Variants in TXNDC17 observed in about 807,000 individuals in gnomAD.
The protein encoded by TXNDC17 is thioredoxin domain-containing protein 17.
In TXNDC17, 12 loss-of-function variants were observed where a neutral mutation model predicts 16.3. The ratio of observed to expected loss-of-function variants is 0.74; its 90% CI spans 0.47 to 1.19. TXNDC17 has a LOEUF of 1.19. Among genes scored for constraint, TXNDC17 ranks in the 50% most tolerant of loss-of-function variants. TXNDC17 has a pLI of 0.00. For synonymous variants in TXNDC17, 62 were observed against 55.0 expected (o/e 1.13, Z -0.56); for missense variants, 158 against 149.7 (o/e 1.06, Z -0.29).
intron 1 of TXNDC17, 89 bp downstream of exon 1, chr17:6,641,316 T>C (rs553826854): frequency 1.3e-6 from 2 of 1,559,992 alleles, no homozygotes; most frequent in African/African-American, 1.4e-5. Context: ...GGAGGCAGAG[T>C]CTTGGTTCCA....
Position 6,644,078 on chromosome 17 carries a change from A to G in TXNDC17, c.*1059A>G. ...AGAGTGGTAGAGTAGTTGATCTGAG[A>G]CAGTAAGGTTCCAGGAGATGGTCTT... On this transcript the variant is annotated 3_prime_UTR_variant, in exon 4 of 4. Transcript: ENST00000250101. 1 of 407,766 alleles carries G rather than the reference A, an allele frequency of 2.5e-6. No individual in the cohort carries two copies. Among genetic ancestry groups the G allele is most frequent in the Non-Finnish European group, 4.3e-6 (1 of 231,128 alleles). The allele number at this position is 407,766 out of a possible 1,614,324, so 25.3% of individuals were successfully genotyped here.
In TXNDC17 at chr17:6,643,961, C is replaced by A. The variant is rs1972729373; in HGVS notation, c.*942C>A. The A allele has an allele frequency of 2.5e-6, 1 of 397,034 alleles. No homozygotes were observed. The highest frequency in any genetic ancestry group is 4.4e-6 in the Non-Finnish European group (1 of 225,450). 24.6% of individuals were successfully genotyped at this position (397,034 alleles called of 1,614,324 possible). On this transcript the variant is annotated 3_prime_UTR_variant, in exon 4 of 4. Transcript: ENST00000250101. Reference sequence around the variant, plus strand: ...TGCAAAGCAGGTAATACAGTTATTTCCTGTCCTGCAGAATTCAAGAACCTT... The same window carrying A: ...TGCAAAGCAGGTAATACAGTTATTTACTGTCCTGCAGAATTCAAGAACCTT...
Position 6,644,021 on chromosome 17 carries a change from G to C in TXNDC17, c.*1002G>C, listed in dbSNP as rs549442180. ...CCTGTCCTATGATTTAAAGAGGTCAGTGACTCCGCTACTCTCACTACATCT... is the reference window on the plus strand; with the variant it reads ...CCTGTCCTATGATTTAAAGAGGTCACTGACTCCGCTACTCTCACTACATCT... On this transcript the variant is annotated 3_prime_UTR_variant, in exon 4 of 4. Transcript: ENST00000250101. 2 of 399,954 alleles carry C rather than the reference G, an allele frequency of 5.0e-6. No homozygotes were observed. The highest frequency in any genetic ancestry group is 8.8e-6 in the Non-Finnish European group (2 of 226,892). The allele number at this position is 399,954 out of a possible 1,614,324, so 24.8% of individuals were successfully genotyped here.
rs576970009 is a variant in TXNDC17, at chr17:6,641,361, C to T, written c.145+134C>T. ...GGAGCAATCTGAGCTGTCCCCAAGT[C>T]TCCTTCTATTAAATCCTACCCCGCC... On this transcript the variant is annotated intron_variant, in intron 1 of 3. Coordinates refer to ENST00000250101, the MANE Select transcript of TXNDC17 (RefSeq NM_032731.4). 2.2e-5 allele frequency: 29 copies of T among 1,310,244 alleles called. No homozygotes were observed. In the African/African-American group the frequency reaches 4.1e-4, roughly 19 times the overall value. The allele number at this position is 1,310,244 out of a possible 1,614,324, so 81.2% of individuals were successfully genotyped here. A position where few individuals can be genotyped will look rare whatever the true frequency, so the allele number is the denominator to read the frequency against.
chr17:6,642,927 G>A (rs1972713717), intron 3 of TXNDC17, 24 bp from the exon 4 acceptor site: 1 of 1,585,376 alleles, frequency 6.3e-7, no homozygotes, highest in Non-Finnish European at 8.7e-7. Context: ...AAGTAGTGAA[G>A]ATTTGACTGT....
rs539439277 is a variant in TXNDC17, at chr17:6,641,193, C to T, written c.111C>T (p.Ala37=). The stretch of plus-strand genomic sequence containing the variant: ...CCTACTTTACGGGTTCTAAGGACGC[C>T]GGGGGGAAAAGCTGGTGCCCCGACT... ...IFAYFTGSKD[A]GGKSWCPDCV... is the part of the protein sequence containing the mutation. The change falls in exon 1 of 4, where the codon GCC becomes GCT. Residue 37 remains alanine (A), a synonymous_variant. Coordinates refer to ENST00000250101, the MANE Select transcript of TXNDC17 (RefSeq NM_032731.4). 4.7e-5 allele frequency: 76 copies of T among 1,613,564 alleles called. No individual in the cohort carries two copies. The African/African-American group carries it at 9.5e-4, about 20-fold the overall frequency.
rs1298997808 is a variant in TXNDC17, at chr17:6,643,517, G to A, written c.*498G>A. 6.5e-6 allele frequency: 1 copy of A among 153,102 alleles called. No homozygotes were observed. The highest frequency in any genetic ancestry group is 2.4e-5 in the African/African-American group (1 of 41,462). The allele number at this position is 153,102 out of a possible 1,614,324, so 9.5% of individuals were successfully genotyped here. On this transcript the variant is annotated 3_prime_UTR_variant, in exon 4 of 4. Coordinates refer to ENST00000250101, the MANE Select transcript of TXNDC17 (RefSeq NM_032731.4). ...AACAGACTCCTGAGCACTAGAAGCA[G>A]TTTGTTTTGCAGCTGTCTCAATGTG...
At chr17:6,642,434 G>A (rs1972699445) in intron 3 of TXNDC17, 110 bp downstream of exon 3, 1 of 765,554 alleles carries the variant, frequency 1.3e-6, no homozygotes, top group African/African-American at 1.8e-5. Context: ...TTCCATTGTT[G>A]TTCAGAGTGC....
chr17:6,642,285 GAAAGT>G lies in TXNDC17; in HGVS notation c.267_271del (p.Lys89AsnfsTer8), dbSNP rs763714101. The G allele has an allele frequency of 4.3e-6, 7 of 1,611,582 alleles. No homozygotes were observed. The highest frequency in any genetic ancestry group is 5.9e-6 in the Non-Finnish European group (7 of 1,178,926). On this transcript the variant is annotated frameshift_variant, in exon 3 of 4. Coordinates refer to ENST00000250101, the MANE Select transcript of TXNDC17 (RefSeq NM_032731.4). LOFTEE classifies it high-confidence loss of function. ...CAAATAATGACTTCAGAAAAAACTT[GAAAGT>G]AACAGCAGTGCCTACACTACTTAAG... is the stretch of plus-strand genomic sequence containing the variant.
rs1972695624 is a variant in TXNDC17 at position 6,642,311 on chromosome 17, TTAAG to T, written c.293_296del (p.Lys98MetfsTer8). On this transcript the variant is annotated frameshift_variant, in exon 3 of 4. Coordinates refer to ENST00000250101, the MANE Select transcript of TXNDC17 (RefSeq NM_032731.4). LOFTEE classifies it high-confidence loss of function. Reference sequence around the variant, plus strand: ...AAAGTAACAGCAGTGCCTACACTACTTAAGTATGGAACAGTAAGTATCTTTAAAT... The same window carrying T: ...AAAGTAACAGCAGTGCCTACACTACTTATGGAACAGTAAGTATCTTTAAAT... The T allele has an allele frequency of 6.2e-7, 1 of 1,607,118 alleles. No homozygotes were observed. The highest frequency in any genetic ancestry group is 1.3e-5 in the African/African-American group (1 of 74,708).
chr17:6,642,310 C>T lies in TXNDC17; in HGVS notation c.289C>T (p.Leu97Phe), dbSNP rs761368151. The T allele has an allele frequency of 1.2e-6, 2 of 1,606,898 alleles. No individual in the cohort carries two copies. The highest frequency in any genetic ancestry group is 1.1e-5 in the South Asian group (1 of 90,106). ...NLKVTAVPTL[L>F]KYGTPQKLVE... ...GAAAGTAACAGCAGTGCCTACACTA[C>T]TTAAGTATGGAACAGTAAGTATCTT... The change falls in exon 3 of 4, where the codon CTT (leucine) becomes TTT (phenylalanine). Residue 97 changes from leucine to phenylalanine, a missense_variant. Coordinates refer to ENST00000250101, the MANE Select transcript of TXNDC17 (RefSeq NM_032731.4).
chr17:6,644,495 T>C lies in TXNDC17; in HGVS notation c.*1476T>C. On this transcript the variant is annotated 3_prime_UTR_variant, in exon 4 of 4. Coordinates refer to ENST00000250101, the MANE Select transcript of TXNDC17 (RefSeq NM_032731.4). ...TTTTCCCGATGTGTTATTTTGCTGT[T>C]GCTGCTCTGCCAAGGCTTGCTGAAG... 6.2e-7 allele frequency: 1 copy of C among 1,605,958 alleles called. No individual in the cohort carries two copies. The highest frequency in any genetic ancestry group is 8.5e-7 in the Non-Finnish European group (1 of 1,177,310).
chr17:6,642,966 G>C lies in TXNDC17; in HGVS notation c.319G>C (p.Glu107Gln), dbSNP rs978482198. ...LKYGTPQKLV[E>Q]SECLQANLVE... The stretch of plus-strand genomic sequence containing the variant: ...TCTCTTACAGCCTCAAAAACTGGTA[G>C]AATCTGAGTGTCTTCAGGCCAACCT... Residue 107 changes from glutamate (E) to glutamine (Q), a missense_variant, in exon 4 of 4, where the codon GAA (glutamate) becomes CAA (glutamine). Transcript: ENST00000250101. The C allele has an allele frequency of 3.1e-6, 5 of 1,613,794 alleles. No individual in the cohort carries two copies. The African/African-American group carries it at 6.7e-5, about 22-fold the overall frequency.
rs752171266 is a variant in TXNDC17 at position 6,642,937 on chromosome 17, T to C, written c.304-14T>C. The C allele has an allele frequency of 9.3e-6, 15 of 1,605,598 alleles. No individual in the cohort carries two copies. Among genetic ancestry groups the C allele is most frequent in the Non-Finnish European group, 1.3e-5 (15 of 1,172,632 alleles). ...TATAGAAGTAGTGAAGATTTGACTG[T>C]TTTTCTCTTACAGCCTCAAAAACTG... On this transcript the variant is annotated splice_polypyrimidine_tract_variant and intron_variant, in intron 3 of 3. Coordinates refer to ENST00000250101, the MANE Select transcript of TXNDC17 (RefSeq NM_032731.4).
rs1224499213 is a variant in TXNDC17, at chr17:6,643,528, A to G, written c.*509A>G. The G allele has an allele frequency of 2.0e-5, 3 of 153,036 alleles. No individual in the cohort carries two copies. Among genetic ancestry groups the G allele is most frequent in the African/African-American group, 7.2e-5 (3 of 41,466 alleles). 9.5% of individuals were successfully genotyped at this position (153,036 alleles called of 1,614,324 possible). ...GAGCACTAGAAGCAGTTTGTTTTGC[A>G]GCTGTCTCAATGTGCTTTACTTGGG... is the stretch of plus-strand genomic sequence containing the variant. On this transcript the variant is annotated 3_prime_UTR_variant, in exon 4 of 4. Coordinates refer to ENST00000250101, the MANE Select transcript of TXNDC17 (RefSeq NM_032731.4).
rs1972647944 is a variant in TXNDC17 at position 6,641,136 on chromosome 17, C to T, written c.54C>T (p.Ala18=). ...SVSGFEEFHR[A]VEQHNGKTIF... is the part of the protein sequence containing the mutation. ...CCGGCTTCGAGGAGTTCCACCGGGC[C>T]GTGGAACAGCACAATGGCAAGACCA... Residue 18 remains alanine (A), a synonymous_variant, in exon 1 of 4, where the codon GCC becomes GCT. Transcript: ENST00000250101. 1.2e-6 allele frequency: 2 copies of T among 1,613,724 alleles called. No homozygotes were observed. The highest frequency in any genetic ancestry group is 1.3e-5 in the African/African-American group (1 of 75,046).
intron 2 of TXNDC17, 128 bp downstream of exon 2, chr17:6,641,962 GC>G: frequency 1.1e-6 from 1 of 877,792 alleles, no homozygotes; most frequent in Non-Finnish European, 1.8e-6. Context: ...ACAATTAGAA[GC>G]TATTAAATAC....
chr17:6,643,109 A>C lies in TXNDC17; in HGVS notation c.*90A>C. On this transcript the variant is annotated 3_prime_UTR_variant, in exon 4 of 4. Transcript: ENST00000250101. ...TGCTTTGAATTCATGTTAGCAATAAATGATGTTAAAAAAACTGGCATGTGT... is the reference window on the plus strand; with the variant it reads ...TGCTTTGAATTCATGTTAGCAATAACTGATGTTAAAAAAACTGGCATGTGT... 4.1e-6 allele frequency: 5 copies of C among 1,218,300 alleles called. No homozygotes were observed. Among genetic ancestry groups the C allele is most frequent in the Non-Finnish European group, 6.0e-6 (5 of 833,980 alleles). The allele number at this position is 1,218,300 out of a possible 1,614,324, so 75.5% of individuals were successfully genotyped here. A position where few individuals can be genotyped will look rare whatever the true frequency, so the allele number is the denominator to read the frequency against.
In TXNDC17 at chr17:6,644,115, T is replaced by C; in HGVS notation, c.*1096T>C. The C allele has an allele frequency of 2.4e-6, 1 of 416,084 alleles. No homozygotes were observed. Among genetic ancestry groups the C allele is most frequent in the Non-Finnish European group, 4.2e-6 (1 of 235,908 alleles). The allele number at this position is 416,084 out of a possible 1,614,324, so 25.8% of individuals were successfully genotyped here. On this transcript the variant is annotated 3_prime_UTR_variant, in exon 4 of 4. Coordinates refer to ENST00000250101, the MANE Select transcript of TXNDC17 (RefSeq NM_032731.4). ...CAGGAGATGGTCTTGCCCTACTATA[T>C]GTCAGGAACAGCTAGCCTTAGAATT...
Sources: gnomAD v4.1 joint callset for allele counts on GRCh38, gnomAD v4.1.1 for gene constraint, MANE v1.5 for transcripts, NCBI Gene and HGNC (gene_info 2026-07-23, HGNC 2026-07-21) for gene names.